Variants in CHPT1 observed in about 807,000 individuals in gnomAD.
CHPT1 encodes choline phosphotransferase 1, also known as cholinephosphotransferase 1.
In CHPT1, 36 loss-of-function variants were observed where a neutral mutation model predicts 47.6. The observed-to-expected ratio is 0.76, with a 90% CI of 0.58 to 1.00. The LOEUF (loss-of-function observed/expected upper bound fraction) is 1.00. Ranked by LOEUF, CHPT1 falls within the 50% of genes least tolerant of loss-of-function variation. The pLI is 0.00. For synonymous variants in CHPT1, 194 were observed against 186.3 expected (o/e 1.04, Z -0.33); for missense variants, 458 against 498.1 (o/e 0.92, Z 0.77).
At chr12:101,714,939 A>C (rs1223656356) in intron 3 of CHPT1, 1 of 214,298 alleles carries the variant, frequency 4.7e-6, no homozygotes, top group African/African-American at 2.3e-5. Flanking sequence ...AATAATATAG[A>C]AAAGGGATAT....
rs535750391 is a variant in CHPT1, at chr12:101,699,411, A to G, written c.273+1277A>G. Among the ~76,000 whole-genome samples, 670 of 143,308 alleles carry G rather than the reference A, an allele frequency of 4.7e-3. 10 individuals carry two copies. The highest frequency in any genetic ancestry group is 0.016 in the African/African-American group (619 of 38,332). The allele number at this position is 143,308 out of a possible 152,430, so 94.0% of individuals were successfully genotyped here. A position where few individuals can be genotyped will look rare whatever the true frequency, so the allele number is the denominator to read the frequency against. Reference sequence around the variant, plus strand: ...CTTTTCTTTTTTTTTTTTTTGAGACAGAGTCTCGCTCTGTCACCCAGGCTG... The same window carrying G: ...CTTTTCTTTTTTTTTTTTTTGAGACGGAGTCTCGCTCTGTCACCCAGGCTG... On this transcript the variant is annotated intron_variant, in intron 1 of 8. Transcript: ENST00000229266.
In CHPT1 at chr12:101,723,306, A is replaced by G. The variant is rs781493609; in HGVS notation, c.919A>G (p.Lys307Glu). The G allele has an allele frequency of 2.5e-6, 4 of 1,596,020 alleles. No individual in the cohort carries two copies. The highest frequency in any genetic ancestry group is 1.4e-5 in the African/African-American group (1 of 73,980). ...CCTAATGTTTGGATGTGTCTTTGCT[A>G]AAGTCTCACAAAAATTAGTGGTAAG... ...YILMFGCVFAKVSQKLVVAHM... is the reference protein window; with the variant it reads ...YILMFGCVFAEVSQKLVVAHM... Residue 307 changes from lysine (K) to glutamate (E), a missense_variant, in exon 6 of 9, where the codon AAA becomes GAA. Lys to Glu is a moderately conservative substitution (Grantham distance 56, BLOSUM62 1). Coordinates refer to ENST00000229266, the MANE Select transcript of CHPT1 (RefSeq NM_020244.3).
At chr12:101,707,970 G>T (rs537442957) in intron 1 of CHPT1, among the ~76,000 whole-genome samples, 2 of 152,308 alleles carry the variant, frequency 1.3e-5, no homozygotes, top group South Asian at 4.1e-4. Flanking sequence ...CAGAGGTGCA[G>T]TTCACCTCTG....
chr12:101,718,909 C>T (rs1594138265), intron 4 of CHPT1, among the ~76,000 whole-genome samples: 3 of 151,496 alleles, frequency 2.0e-5, no homozygotes, highest in South Asian at 2.1e-4. Context: ...AGGTTGTGCC[C>T]GTAAGAAGGT....
chr12:101,719,514 C>T, intron 4 of CHPT1: 1 of 1,281,872 alleles, frequency 7.8e-7, no homozygotes, highest in Middle Eastern at 2.1e-4. Flanking sequence ...AGTTGACCAA[C>T]AGGTAAATAT....
chr12:101,713,660 T>C (rs1166872111), intron 1 of CHPT1, among the ~76,000 whole-genome samples: 1 of 144,180 alleles, frequency 6.9e-6, no homozygotes, highest in Non-Finnish European at 1.6e-5. Flanking sequence ...TTTTATTGCC[T>C]TTCTAGTTAT....
At chr12:101,727,605 CTTAT>C (rs1951990974) in intron 8 of CHPT1, 1 of 151,926 alleles carries the variant, frequency 6.6e-6, no homozygotes, top group East Asian at 1.9e-4. Flanking sequence ...AAAAAACATA[CTTAT>C]GGGAATTAAG....
chr12:101,725,383 C>T (rs1202044719), intron 7 of CHPT1, among the ~76,000 whole-genome samples: 2 of 151,838 alleles, frequency 1.3e-5, no homozygotes, highest in Non-Finnish European at 2.9e-5. Flanking sequence ...TTAGGGCTCC[C>T]AAACAATCCA....
chr12:101,725,116 G>T (rs1423304673), intron 7 of CHPT1, among the ~76,000 whole-genome samples: 1 of 152,202 alleles, frequency 6.6e-6, no homozygotes, highest in East Asian at 1.9e-4. Context: ...AAAAAAATCT[G>T]TATCTATTCT....
Position 101,723,210 on chromosome 12 carries a change from A to G in CHPT1, c.823A>G (p.Ile275Val), listed in dbSNP as rs773967928. Residue 275 changes from isoleucine (I) to valine (V), a missense_variant, in exon 6 of 9, where the codon ATT becomes GTT. Physicochemically the swap from Ile to Val is conservative, Grantham distance 29 (BLOSUM62 3). Coordinates refer to ENST00000229266, the MANE Select transcript of CHPT1 (RefSeq NM_020244.3). ...LSPGLHIGLI[I>V]ILAIMIYKKS... ...ACCTGGACTCCACATAGGACTAATT[A>G]TTATACTGGCAATAATGATCTATAA... 1.9e-6 allele frequency: 3 copies of G among 1,612,708 alleles called. No individual in the cohort carries two copies. The highest frequency in any genetic ancestry group is 2.5e-6 in the Non-Finnish European group (3 of 1,178,966).
intron 5 of CHPT1, among the ~76,000 whole-genome samples, chr12:101,720,786 A>G (rs1236589095): frequency 6.6e-6 from 1 of 152,230 alleles, no homozygotes; most frequent in Non-Finnish European, 1.5e-5. Flanking sequence ...AGTATTAAAT[A>G]TAATGCTTTT....
chr12:101,720,700 T>G (rs1951835988), intron 5 of CHPT1, among the ~76,000 whole-genome samples: 1 of 152,240 alleles, frequency 6.6e-6, no homozygotes, highest in Non-Finnish European at 1.5e-5. Context: ...TTCTAATATT[T>G]CAAAAGGTAA....
chr12:101,716,850 T>C, intron 4 of CHPT1, 38 bp downstream of exon 4: 1 of 1,282,108 alleles, frequency 7.8e-7, no homozygotes, highest in Non-Finnish European at 1.1e-6. Context: ...TAAGTACTTT[T>C]CAAATATTTA....
chr12:101,706,693 A>G (rs917655526), intron 1 of CHPT1, among the ~76,000 whole-genome samples: 2 of 152,352 alleles, frequency 1.3e-5, no homozygotes, highest in Non-Finnish European at 2.9e-5. Flanking sequence ...AGTGTCTAGT[A>G]TTCTGTTATA....
chr12:101,703,572 G>A (rs1951585261), intron 1 of CHPT1, among the ~76,000 whole-genome samples: 1 of 152,176 alleles, frequency 6.6e-6, no homozygotes, highest in Admixed American at 6.5e-5. Context: ...AAAGGTCTGG[G>A]TCGAAAGCAG....
In CHPT1 at chr12:101,720,241, G is replaced by A. The variant is rs1387592038; in HGVS notation, c.767G>A (p.Gly256Glu). 1 of 1,602,466 alleles carries A rather than the reference G, an allele frequency of 6.2e-7. No homozygotes were observed. The highest frequency in any genetic ancestry group is 1.7e-5 in the Admixed American group (1 of 58,012). Reference sequence around the variant, plus strand: ...CTCCATGGTGGTGTTGGCAAGAATGGATCCACTATAGCAGTAAGGCAATAA... The same window carrying A: ...CTCCATGGTGGTGTTGGCAAGAATGAATCCACTATAGCAGTAAGGCAATAA... ...VILHGGVGKN[G>E]STIAGTSVLS... Residue 256 changes from glycine (G) to glutamate (E), a missense_variant, in exon 5 of 9, where the codon GGA becomes GAA. Transcript: ENST00000229266.
intron 1 of CHPT1, among the ~76,000 whole-genome samples, chr12:101,710,997 T>A (rs190252562): frequency 6.7e-6 from 1 of 148,830 alleles, no homozygotes; most frequent in East Asian, 2.0e-4. Context: ...TAGTTTGATA[T>A]GGTCAACTAA....
chr12:101,704,097 C>G (rs1186208326), intron 1 of CHPT1, among the ~76,000 whole-genome samples: 2 of 152,040 alleles, frequency 1.3e-5, no homozygotes, highest in Non-Finnish European at 2.9e-5. Context: ...TTCTTGTTAC[C>G]AGCTGACCTA....
intron 5 of CHPT1, among the ~76,000 whole-genome samples, chr12:101,722,879 A>G (rs949775328): frequency 6.6e-6 from 1 of 152,122 alleles, no homozygotes; most frequent in African/African-American, 2.4e-5. Context: ...ACTGCCTTCG[A>G]TGTAGTAAAA....
Sources: allele counts gnomAD v4.1 joint callset (sites outside exome capture counted in the v4.1 genomes callset), GRCh38; gene constraint gnomAD v4.1.1; transcripts MANE v1.5; gene names NCBI Gene and HGNC (gene_info 2026-07-23, HGNC 2026-07-21).